Variants in SNX29 observed in about 807,000 individuals in gnomAD.
The protein encoded by SNX29 is sorting nexin 29.
A neutral mutation model predicts 102.1 loss-of-function variants in SNX29; 78 were observed. The observed-to-expected ratio is 0.76, with a 90% CI of 0.64 to 0.92. The LOEUF (loss-of-function observed/expected upper bound fraction) is 0.92. SNX29 is among the 40% of genes least tolerant of loss of function. SNX29 has a pLI of 0.00. For synonymous variants in SNX29, 580 were observed against 414.5 expected, an observed-to-expected ratio of 1.40 and a Z score of -4.85; for missense variants, 1,280 against 1,061.7, an observed-to-expected ratio of 1.21 and a Z score of -2.86.
chr16:12,187,177 C>T (rs1206254666), intron 13 of SNX29, among the ~76,000 whole-genome samples: 1 of 152,250 alleles, frequency 6.6e-6, no homozygotes, highest in Non-Finnish European at 1.5e-5. Flanking sequence ...GTGGCCTCCA[C>T]CATTCACAAG....
chr16:12,564,991 A>C (rs1041764995), intron 20 of SNX29, among the ~76,000 whole-genome samples: 4 of 151,630 alleles, frequency 2.6e-5, no homozygotes, highest in Admixed American at 1.3e-4. Flanking sequence ...GCTTCCGACT[A>C]CAGCCCATGT....
At chr16:12,563,478 A>T (rs2078846436) in intron 20 of SNX29, among the ~76,000 whole-genome samples, 1 of 152,224 alleles carries the variant, frequency 6.6e-6, no homozygotes, top group African/African-American at 2.4e-5. Context: ...AAAAGGCTCA[A>T]GGAATAGGGC....
chr16:12,510,533 C>T (rs750949291), intron 19 of SNX29, among the ~76,000 whole-genome samples: 14 of 151,922 alleles, frequency 9.2e-5, no homozygotes, highest in Non-Finnish European at 1.5e-4. Flanking sequence ...ATTAGCTGGG[C>T]GTTATGGCAC....
At chr16:12,560,957 G>A (rs564102158) in intron 20 of SNX29, 23 of 211,076 alleles carry the variant, frequency 1.1e-4, no homozygotes, top group African/African-American at 5.2e-4. Flanking sequence ...ACCAGACCCA[G>A]ACCTGCCTTC....
intron 14 of SNX29, among the ~76,000 whole-genome samples, chr16:12,245,797 G>C (rs2078242900): frequency 6.6e-6 from 1 of 152,052 alleles, no homozygotes; most frequent in South Asian, 2.1e-4. Context: ...GTGGTTGATG[G>C]TGAGGGTAGG....
chr16:12,017,111 A>C (rs945626588), intron 3 of SNX29, among the ~76,000 whole-genome samples: 1 of 152,220 alleles, frequency 6.6e-6, no homozygotes, highest in African/African-American at 2.4e-5. Context: ...TGTGGGTGAC[A>C]GAATGAGACC....
At chr16:12,447,015 A>C (rs529685031) in intron 18 of SNX29, among the ~76,000 whole-genome samples, 3 of 151,934 alleles carry the variant, frequency 2.0e-5, no homozygotes, top group East Asian at 3.9e-4. Context: ...AATATAAAAA[A>C]AATTAGCAGG....
At chr16:12,511,173 G>A (rs183227146) in intron 19 of SNX29, among the ~76,000 whole-genome samples, 7 of 152,260 alleles carry the variant, frequency 4.6e-5, no homozygotes, top group South Asian at 2.1e-4. Flanking sequence ...TGTGAACTGC[G>A]GGACTAGTTC....
At chr16:12,210,426 C>G (rs1037278697) in intron 14 of SNX29, among the ~76,000 whole-genome samples, 8 of 150,660 alleles carry the variant, frequency 5.3e-5, no homozygotes, top group African/African-American at 2.0e-4. Context: ...CTTCTGGGCT[C>G]AAGCAATCCC....
Position 12,472,309 on chromosome 16 carries a change from C to T in SNX29, c.2038-5410C>T, listed in dbSNP as rs566322968. 2.6e-5 allele frequency among the ~76,000 whole-genome samples: 4 copies of T among 152,058 alleles called. No individual in the cohort carries two copies. The South Asian group carries it at 6.2e-4, about 24-fold the overall frequency. The stretch of plus-strand genomic sequence containing the variant: ...GCCGAGGTGGGTAGATCACCTGAGG[C>T]CAGGAGTTCAAGACCAGCCTGGCCA... On this transcript the variant is annotated intron_variant, in intron 18 of 20. Transcript: ENST00000566228.
Position 12,405,320 on chromosome 16 carries a change from C to T in SNX29, c.2037+1791C>T, listed in dbSNP as rs373986989. On this transcript the variant is annotated intron_variant, in intron 18 of 20. Transcript: ENST00000566228. ...AGCTCCTGAAAGCTATGAATTGAGA[C>T]GGACCTTAGCAAATATGCCGTTGCC... Among the ~76,000 whole-genome samples, 184 of 152,308 alleles carry T rather than the reference C, an allele frequency of 1.2e-3. 1 individual carries two copies. The highest frequency in any genetic ancestry group is 3.9e-3 in the African/African-American group (164 of 41,566).
chr16:12,461,804 A>G (rs2086784795), intron 18 of SNX29, among the ~76,000 whole-genome samples: 1 of 150,370 alleles, frequency 6.7e-6, no homozygotes, highest in Non-Finnish European at 1.5e-5. Context: ...TAAAAATACA[A>G]AATTAGCCGG....
chr16:12,405,210 A>G (rs1031790810), intron 18 of SNX29, among the ~76,000 whole-genome samples: 4 of 152,178 alleles, frequency 2.6e-5, no homozygotes, highest in African/African-American at 9.7e-5. Flanking sequence ...CAAAATTAAA[A>G]CATGTTATCA....
chr16:12,292,037 C>T (rs952526153), intron 15 of SNX29, among the ~76,000 whole-genome samples: 2 of 152,148 alleles, frequency 1.3e-5, no homozygotes, highest in African/African-American at 4.8e-5. Context: ...GGGAAATTGG[C>T]GCTGTCAGAT....
chr16:12,468,455 C>T (rs11644581), intron 18 of SNX29, among the ~76,000 whole-genome samples: 18,171 of 152,126 alleles, frequency 0.12, 1,178 homozygotes, highest in Admixed American at 0.13. Context: ...TGAGCCACCA[C>T]GCGCAACCTC....
intron 1 of SNX29, 65 bp from the exon 2 acceptor site, chr16:11,999,232 G>C: frequency 6.8e-7 from 1 of 1,462,198 alleles, no homozygotes; most frequent in Non-Finnish European, 9.6e-7. Context: ...GGAAAGGACT[G>C]ATCTAGTTGG....
intron 11 of SNX29, among the ~76,000 whole-genome samples, chr16:12,083,703 A>C (rs529873396): frequency 4.2e-4 from 64 of 152,182 alleles, no homozygotes; most frequent in Non-Finnish European, 7.8e-4. Flanking sequence ...GGAGCATCCC[A>C]TTGCTGCATG....
At chr16:12,447,752 A>G (rs1485669826) in intron 18 of SNX29, among the ~76,000 whole-genome samples, 1 of 152,182 alleles carries the variant, frequency 6.6e-6, no homozygotes, top group East Asian at 1.9e-4. Flanking sequence ...CTCTCCTGAG[A>G]TTGTGTTTGT....
intron 14 of SNX29, among the ~76,000 whole-genome samples, chr16:12,263,666 CAA>C (rs940707780): frequency 6.6e-5 from 10 of 152,060 alleles, no homozygotes; most frequent in African/African-American, 1.9e-4. Context: ...TTTAAAGAAA[CAA>C]AGAGAAAACA....
Sources: allele counts gnomAD v4.1 joint callset (sites outside exome capture counted in the v4.1 genomes callset), GRCh38; gene constraint gnomAD v4.1.1; transcripts MANE v1.5; gene names NCBI Gene and HGNC (gene_info 2026-07-23, HGNC 2026-07-21).